PPP1R9A: variants seen among roughly 807,000 people sequenced by gnomAD.
PPP1R9A encodes protein phosphatase 1 regulatory subunit 9A, also known as neurabin-1.
PPP1R9A carries 59 observed loss-of-function variants against 141.9 expected under a neutral mutation model. The observed-to-expected ratio is 0.42, with a 90% CI of 0.34 to 0.52. The LOEUF (loss-of-function observed/expected upper bound fraction) is 0.52, where lower values mean the gene tolerates loss of function less well. Ranked by LOEUF, PPP1R9A falls within the 20% of genes least tolerant of loss-of-function variation. The pLI, the probability that PPP1R9A is intolerant of heterozygous loss-of-function variation, is 0.10. For missense variants in PPP1R9A, 1,444 were observed against 1,611.9 expected, an observed-to-expected ratio of 0.90 and a Z score of 1.78; for synonymous variants, 500 against 569.7, an observed-to-expected ratio of 0.88 and a Z score of 1.74.
chr7:95,288,261 T>C (rs1348594756), intron 18 of PPP1R9A, among the ~76,000 whole-genome samples: 1 of 152,246 alleles, frequency 6.6e-6, no homozygotes, highest in Non-Finnish European at 1.5e-5. Flanking sequence ...ACTGTTTTGA[T>C]GTAAAAGCTT....
Position 94,910,511 on chromosome 7 carries a change from G to T in PPP1R9A, c.398G>T (p.Gly133Val). The change falls in exon 2 of 20, where the codon GGC becomes GTC. Residue 133 changes from glycine (G) to valine (V), a missense_variant. Coordinates refer to ENST00000433360, the MANE Select transcript of PPP1R9A (RefSeq NM_001166160.2). This position sits in a 1 kb window ranked among gnomAD's most constrained non-coding sequence, Gnocchi z 4.5. ...AGTAGATTTGACACTATGTACGATG[G>T]CCCTTCATATTCCAAGTTCACTGAG... ...RISRFDTMYD[G>V]PSYSKFTETR... 1 of 1,614,158 alleles carries T rather than the reference G, an allele frequency of 6.2e-7. No individual in the cohort carries two copies. The highest frequency in any genetic ancestry group is 2.2e-5 in the East Asian group (1 of 44,876).
intron 2 of PPP1R9A, among the ~76,000 whole-genome samples, chr7:94,991,775 C>T (rs933803395): frequency 1.3e-5 from 2 of 152,114 alleles, no homozygotes; most frequent in Non-Finnish European, 1.5e-5. Flanking sequence ...CTTCAGCCTT[C>T]CGAGTAGCTG....
chr7:94,910,943 C>G lies in PPP1R9A; in HGVS notation c.830C>G (p.Thr277Ser), dbSNP rs1256423725. 6 of 1,614,130 alleles carry G rather than the reference C, an allele frequency of 3.7e-6. No individual in the cohort carries two copies. Among genetic ancestry groups the G allele is most frequent in the Middle Eastern group, 3.3e-4 (2 of 6,062 alleles). Reference protein sequence around the residue: ...DTEDAHKSNATPVPEVASKST... With the variant: ...DTEDAHKSNASPVPEVASKST... ...GAGGATGCTCACAAGAGTAATGCAA[C>G]TCCAGTACCAGAAGTGGCTTCTAAA... The change falls in exon 2 of 20, where the codon ACT (threonine) becomes AGT (serine). Residue 277 changes from threonine (T) to serine (S), a missense_variant. Around this residue, in one of 5 missense-constraint regions of PPP1R9A, gnomAD observed 490 missense variants for 521.1 expected, o/e 0.94. Transcript: ENST00000433360. The surrounding 1 kb of genome is among the most constrained non-coding windows in gnomAD (Gnocchi z 4.5).
chr7:95,008,600 C>A (rs1031548502), intron 2 of PPP1R9A, among the ~76,000 whole-genome samples: 3 of 152,128 alleles, frequency 2.0e-5, no homozygotes, highest in African/African-American at 7.2e-5. Flanking sequence ...AATGGGATCA[C>A]CATGTACGTT....
chr7:95,120,686 C>T (rs1822405457), intron 3 of PPP1R9A, 26 bp from the exon 4 acceptor site: 2 of 1,605,654 alleles, frequency 1.2e-6, no homozygotes, highest in Admixed American at 1.7e-5. Flanking sequence ...GTTGTTTCAC[C>T]TCCCCCCTTT....
chr7:94,931,017 A>G (rs578055744), intron 2 of PPP1R9A, among the ~76,000 whole-genome samples: 10 of 152,322 alleles, frequency 6.6e-5, no homozygotes, highest in African/African-American at 1.9e-4. Flanking sequence ...TGCCTTCTGT[A>G]GAATGATTTT....
chr7:94,978,617 C>T (rs372492699), intron 2 of PPP1R9A, among the ~76,000 whole-genome samples: 4 of 152,076 alleles, frequency 2.6e-5, no homozygotes, highest in Non-Finnish European at 4.4e-5. Flanking sequence ...GTGGTTTCTT[C>T]GCTGAGTGCT....
chr7:95,155,384 T>C (rs1304007499), intron 4 of PPP1R9A: 2 of 152,100 alleles, frequency 1.3e-5, no homozygotes, highest in Non-Finnish European at 2.9e-5. Context: ...AGAGATGAGG[T>C]CTCGCTATGT....
chr7:95,221,279 T>A (rs1287486497), intron 7 of PPP1R9A, among the ~76,000 whole-genome samples: 2 of 152,116 alleles, frequency 1.3e-5, no homozygotes, highest in African/African-American at 4.8e-5. Flanking sequence ...GGAACTGTTT[T>A]GTCCTTACTT....
intron 6 of PPP1R9A, among the ~76,000 whole-genome samples, chr7:95,199,222 G>A (rs931572354): frequency 1.3e-5 from 2 of 152,078 alleles, no homozygotes; most frequent in Non-Finnish European, 2.9e-5. Context: ...GATATAATGG[G>A]ACAACATGCT....
At chr7:94,909,312 A>G (rs1414678372) in intron 1 of PPP1R9A, among the ~76,000 whole-genome samples, 1 of 152,208 alleles carries the variant, frequency 6.6e-6, no homozygotes, top group Non-Finnish European at 1.5e-5. Context: ...CTATTCAGGA[A>G]CTTTTTTTCT....
At chr7:95,176,622 A>G (rs1832943262) in intron 5 of PPP1R9A, 1 of 152,164 alleles carries the variant, frequency 6.6e-6, no homozygotes, top group African/African-American at 2.4e-5. Context: ...AAAAAAAACA[A>G]TACACGAAGT....
At chr7:95,188,595 G>GT (rs1462793245) in intron 5 of PPP1R9A, among the ~76,000 whole-genome samples, 101 of 115,838 alleles carry the variant, frequency 8.7e-4, no homozygotes, top group African/African-American at 3.1e-3. Context: ...TCTGTGTTGT[G>GT]TTTTGTTTTT....
intron 5 of PPP1R9A, among the ~76,000 whole-genome samples, chr7:95,175,575 A>AT (rs1014865996): frequency 5.9e-5 from 9 of 151,332 alleles, no homozygotes; most frequent in South Asian, 2.1e-4. Flanking sequence ...AAAGGATTAG[A>AT]TTTTTTTTTA....
intron 3 of PPP1R9A, among the ~76,000 whole-genome samples, chr7:95,115,078 C>T (rs1386114631): frequency 6.6e-6 from 1 of 151,898 alleles, no homozygotes; most frequent in Admixed American, 6.6e-5. Flanking sequence ...TGTAAAAACA[C>T]TATTAATAAC....
intron 4 of PPP1R9A, among the ~76,000 whole-genome samples, chr7:95,137,586 A>G (rs942717170): frequency 1.3e-5 from 2 of 152,196 alleles, no homozygotes; most frequent in African/African-American, 4.8e-5. Flanking sequence ...AACATACATG[A>G]TGTTTGTAGA....
intron 6 of PPP1R9A, among the ~76,000 whole-genome samples, chr7:95,201,445 G>A (rs563221517): frequency 6.6e-6 from 1 of 152,248 alleles, no homozygotes; most frequent in Admixed American, 6.5e-5. Flanking sequence ...CAGTGCATAG[G>A]AGAGATGAAA....
chr7:95,288,885 A>G (rs1805849991), intron 19 of PPP1R9A, among the ~76,000 whole-genome samples, 167 bp downstream of exon 19: 1 of 152,180 alleles, frequency 6.6e-6, no homozygotes, highest in Non-Finnish European at 1.5e-5. Context: ...ATGAAGTCTC[A>G]GAAAGTCCAT....
intron 7 of PPP1R9A, among the ~76,000 whole-genome samples, chr7:95,219,921 G>A: frequency 6.6e-6 from 1 of 152,054 alleles, no homozygotes; most frequent in South Asian, 2.1e-4. Context: ...TGTTGTCCTG[G>A]AGAAATAAGG....
Sources: gnomAD v4.1 joint callset for allele counts (sites outside exome capture counted in the v4.1 genomes callset) on GRCh38, gnomAD v4.1.1 for gene constraint, gnomAD v4.1.1 regional missense constraint, Gnocchi (gnomAD v3.1) non-coding constraint, MANE v1.5 for transcripts, NCBI Gene and HGNC (gene_info 2026-07-23, HGNC 2026-07-21) for gene names.